CNTNAP2: variants seen among roughly 807,000 people sequenced by gnomAD.
The protein encoded by CNTNAP2 is contactin associated protein 2, also known as contactin-associated protein-like 2.
CNTNAP2 carries 98 observed loss-of-function variants against 155.2 expected under a neutral mutation model. The ratio of observed to expected loss-of-function variants is 0.63; its 90% CI spans 0.54 to 0.75. The LOEUF (loss-of-function observed/expected upper bound fraction) is 0.75, where lower values mean the gene tolerates loss of function less well. Ranked by LOEUF, CNTNAP2 falls within the 30% of genes least tolerant of loss-of-function variation. CNTNAP2 has a pLI of 0.00. For missense variants in CNTNAP2, 1,727 were observed against 1,688.1 expected, an observed-to-expected ratio of 1.02 and a Z score of -0.40; for synonymous variants, 651 against 631.2, an observed-to-expected ratio of 1.03 and a Z score of -0.47.
chr7:147,982,881 G>A (rs1426372254), intron 15 of CNTNAP2, among the ~76,000 whole-genome samples: 2 of 152,002 alleles, frequency 1.3e-5, no homozygotes, highest in Non-Finnish European at 2.9e-5. Context: ...AGCAGGGTGT[G>A]CTGGTGGCCG....
At chr7:146,465,632 A>T (rs1460928234) in intron 1 of CNTNAP2, among the ~76,000 whole-genome samples, 1 of 152,156 alleles carries the variant, frequency 6.6e-6, no homozygotes, top group Non-Finnish European at 1.5e-5. Context: ...AAGATGGCTA[A>T]ATGTTTAACC....
At chr7:146,696,070 T>C (rs1444848365) in intron 1 of CNTNAP2, among the ~76,000 whole-genome samples, 1 of 152,170 alleles carries the variant, frequency 6.6e-6, no homozygotes, top group African/African-American at 2.4e-5. Context: ...TTAGGAAGTA[T>C]TCCCTGTGTT....
chr7:146,310,744 T>C (rs889133071), intron 1 of CNTNAP2, among the ~76,000 whole-genome samples: 1 of 152,170 alleles, frequency 6.6e-6, no homozygotes, highest in African/African-American at 2.4e-5. Flanking sequence ...TCACGGTCTA[T>C]CAATTTATCC....
chr7:146,857,787 G>C (rs1795020335), intron 3 of CNTNAP2, among the ~76,000 whole-genome samples: 1 of 152,146 alleles, frequency 6.6e-6, no homozygotes, highest in Admixed American at 6.6e-5. Flanking sequence ...GTGATGAGTA[G>C]TCAGCTGCTG....
chr7:146,839,810 G>T lies in CNTNAP2; in HGVS notation c.308G>T (p.Arg103Met). Residue 103 changes from arginine to methionine, a missense_variant, in exon 3 of 24, where the codon AGG (arginine) becomes ATG (methionine). By Grantham distance (91) the Arg-to-Met change is moderately conservative. Transcript: ENST00000361727. The part of the protein sequence containing the change: ...KQISAIATQG[R>M]YSSSDWVTQY... ...ATCAGTGCCATTGCAACCCAAGGAA[G>T]GTATAGCAGCTCAGATTGGGTGACC... 9 of 1,614,084 alleles carry T rather than the reference G, an allele frequency of 5.6e-6. No individual in the cohort carries two copies. The highest frequency in any genetic ancestry group is 7.6e-6 in the Non-Finnish European group (9 of 1,180,026).
At position 147,691,464 on chromosome 7, in the gene CNTNAP2, A is replaced by C. The variant is rs188154575; in HGVS notation, c.2098+52158A>C. The stretch of plus-strand genomic sequence containing the variant: ...AGAGATAATACATGTTATTTGAAAG[A>C]CTCAATATTATCACAATATCTACTC... On this transcript the variant is annotated intron_variant, in intron 13 of 23. Coordinates refer to ENST00000361727, the MANE Select transcript of CNTNAP2 (RefSeq NM_014141.6). 8.7e-4 allele frequency among the ~76,000 whole-genome samples: 133 copies of C among 152,178 alleles called. 1 individual carries two copies. The highest frequency in any genetic ancestry group is 3.1e-3 in the Admixed American group (47 of 15,274).
chr7:147,621,443 A>G (rs953898318), intron 12 of CNTNAP2, among the ~76,000 whole-genome samples: 1 of 152,100 alleles, frequency 6.6e-6, no homozygotes, highest in Non-Finnish European at 1.5e-5. Flanking sequence ...AGACATAGAC[A>G]GTACAATAAG....
At chr7:147,828,806 C>T (rs773144726) in intron 13 of CNTNAP2, among the ~76,000 whole-genome samples, 5 of 152,142 alleles carry the variant, frequency 3.3e-5, no homozygotes, top group Non-Finnish European at 5.9e-5. Context: ...AAATATCATA[C>T]TTTTAATATA....
chr7:146,191,939 G>T (rs537197116), intron 1 of CNTNAP2, among the ~76,000 whole-genome samples: 1 of 152,106 alleles, frequency 6.6e-6, no homozygotes, highest in Non-Finnish European at 1.5e-5. Context: ...TACATCCTCA[G>T]CTTACGAAGA....
At chr7:146,845,010 TTAAA>T (rs1365021015) in intron 3 of CNTNAP2, among the ~76,000 whole-genome samples, 1 of 152,120 alleles carries the variant, frequency 6.6e-6, no homozygotes, top group Non-Finnish European at 1.5e-5. Context: ...CTAAGAAGTA[TTAAA>T]TAGATTACTT....
At chr7:146,681,558 G>A (rs1239100437) in intron 1 of CNTNAP2, among the ~76,000 whole-genome samples, 2 of 98,680 alleles carry the variant, frequency 2.0e-5, no homozygotes, top group Non-Finnish European at 4.2e-5. Context: ...ATGGGAGGGT[G>A]GGGGGAGGTG....
intron 6 of CNTNAP2, 154 bp downstream of exon 6, chr7:147,121,317 G>A (rs1022076181): frequency 8.7e-5 from 60 of 691,998 alleles, no homozygotes; most frequent in South Asian, 5.5e-4. Flanking sequence ...TGATTAATTC[G>A]TTTCATTTTA....
chr7:146,668,454 G>A (rs1026677879), intron 1 of CNTNAP2, among the ~76,000 whole-genome samples: 22 of 151,626 alleles, frequency 1.5e-4, no homozygotes, highest in Admixed American at 8.6e-4. Flanking sequence ...GTGTGTGTGT[G>A]TGTGTGTGTG....
At chr7:147,169,896 G>A (rs1186168315) in intron 8 of CNTNAP2, among the ~76,000 whole-genome samples, 3 of 152,132 alleles carry the variant, frequency 2.0e-5, no homozygotes, top group African/African-American at 7.2e-5. Context: ...GGATCTTGAT[G>A]TGCTTTCTTG....
intron 3 of CNTNAP2, among the ~76,000 whole-genome samples, chr7:146,996,790 C>T (rs903802178): frequency 1.3e-5 from 2 of 152,054 alleles, no homozygotes; most frequent in Non-Finnish European, 2.9e-5. Context: ...GGCTGTGTCC[C>T]CACCCAAATC....
intron 21 of CNTNAP2, among the ~76,000 whole-genome samples, chr7:148,358,057 A>AGCAG (rs1798549000): frequency 6.6e-6 from 1 of 152,132 alleles, no homozygotes; most frequent in Admixed American, 6.5e-5. Flanking sequence ...ATATAACTGT[A>AGCAG]GCAGGCCCTA....
At chr7:146,850,913 T>C (rs1794866643) in intron 3 of CNTNAP2, among the ~76,000 whole-genome samples, 1 of 152,214 alleles carries the variant, frequency 6.6e-6, no homozygotes, top group Non-Finnish European at 1.5e-5. Context: ...ACAGGCAATG[T>C]GAAACTTAGT....
intron 15 of CNTNAP2, among the ~76,000 whole-genome samples, chr7:147,992,548 A>G (rs1420991895): frequency 1.3e-5 from 2 of 152,224 alleles, no homozygotes; most frequent in Admixed American, 1.3e-4. Flanking sequence ...TCCCAAGTTA[A>G]GAAGAAAAGG....
At chr7:146,922,580 T>C (rs10269741) in intron 3 of CNTNAP2, among the ~76,000 whole-genome samples, 5,888 of 152,238 alleles carry the variant, frequency 0.039, 121 homozygotes, top group South Asian at 0.08. Context: ...TAGGTGAGAA[T>C]TGAAGAGAGG....
Sources: gnomAD v4.1 joint callset for allele counts (sites outside exome capture counted in the v4.1 genomes callset) on GRCh38, gnomAD v4.1.1 for gene constraint, MANE v1.5 for transcripts, NCBI Gene and HGNC (gene_info 2026-07-23, HGNC 2026-07-21) for gene names.